Variants in TSHR observed in about 807,000 individuals in gnomAD.
TSHR encodes the protein thyroid stimulating hormone receptor.
TSHR carries 51 observed loss-of-function variants against 64.1 expected under a neutral mutation model. The observed-to-expected ratio is 0.80, with a 90% CI of 0.64 to 1.01. The LOEUF (loss-of-function observed/expected upper bound fraction) is 1.01, where lower values mean the gene tolerates loss of function less well. Among genes scored for constraint, TSHR ranks in the 50% least tolerant of loss-of-function variants. The pLI is 0.00. For missense variants in TSHR, 877 were observed against 942.8 expected (o/e 0.93, Z 0.91); for synonymous variants, 361 against 361.9 (o/e 1.00, Z 0.03).
chr14:80,987,028 C>A (rs540496110), intron 1 of TSHR, among the ~76,000 whole-genome samples: 1 of 152,182 alleles, frequency 6.6e-6, no homozygotes, highest in Non-Finnish European at 1.5e-5. Context: ...TTTTTCCCAA[C>A]ATTCATGCAC....
At chr14:81,108,011 T>C (rs1890009998) in intron 7 of TSHR, among the ~76,000 whole-genome samples, 1 of 152,136 alleles carries the variant, frequency 6.6e-6, no homozygotes, top group Non-Finnish European at 1.5e-5. Flanking sequence ...GGAATATAAA[T>C]TAATACTAAC....
At chr14:80,960,409 A>G (rs1886957660) in intron 1 of TSHR, among the ~76,000 whole-genome samples, 1 of 152,226 alleles carries the variant, frequency 6.6e-6, no homozygotes, top group South Asian at 2.1e-4. Context: ...ACACATATAA[A>G]GGTGACTTCA....
chr14:81,074,078 C>T (rs7145290), intron 3 of TSHR, among the ~76,000 whole-genome samples: 44,067 of 151,970 alleles, frequency 0.29, 10,769 homozygotes, highest in African/African-American at 0.68. Flanking sequence ...TTTAAGTAAA[C>T]ATTCAATTCT....
At chr14:80,982,490 A>T in intron 1 of TSHR, 1 of 1,048,868 alleles carries the variant, frequency 9.5e-7, no homozygotes, top group Non-Finnish European at 1.3e-6. Flanking sequence ...GCTGAGGAAG[A>T]GGAGGAAGAG....
chr14:81,028,699 T>C (rs1039731078), intron 1 of TSHR, among the ~76,000 whole-genome samples: 1 of 152,128 alleles, frequency 6.6e-6, no homozygotes, highest in Non-Finnish European at 1.5e-5. Context: ...TCAACACTTT[T>C]TGTATACAAC....
At chr14:81,088,153 GT>G in intron 4 of TSHR, 125 bp downstream of exon 4, 1 of 779,674 alleles carries the variant, frequency 1.3e-6, no homozygotes, top group South Asian at 1.5e-5. Flanking sequence ...TATAGCCTGG[GT>G]CGGGGGCAAG....
chr14:81,004,887 TTTCC>T (rs1470747652), intron 1 of TSHR, among the ~76,000 whole-genome samples: 1 of 152,162 alleles, frequency 6.6e-6, no homozygotes, highest in African/African-American at 2.4e-5. Context: ...ATTAAGAAAG[TTTCC>T]ATCCTTGGAT....
chr14:80,973,627 G>A (rs1362697043), intron 1 of TSHR, among the ~76,000 whole-genome samples: 1 of 152,052 alleles, frequency 6.6e-6, no homozygotes, highest in African/African-American at 2.4e-5. Flanking sequence ...AATGCATGAA[G>A]CCATTATTCA....
At chr14:81,047,370 A>G (rs903233991) in intron 1 of TSHR, among the ~76,000 whole-genome samples, 3 of 152,226 alleles carry the variant, frequency 2.0e-5, no homozygotes, top group Non-Finnish European at 4.4e-5. Context: ...ATGGTATTCC[A>G]TATGTCTGAG....
At chr14:80,985,499 A>C (rs938991860) in intron 1 of TSHR, among the ~76,000 whole-genome samples, 8 of 152,198 alleles carry the variant, frequency 5.3e-5, no homozygotes, top group Non-Finnish European at 1.0e-4. Context: ...AAGCTACAAG[A>C]GGCTGCTGTG....
Position 81,144,599 on chromosome 14 carries a change from A to C in TSHR, c.*246A>C. The C allele has an allele frequency of 1.8e-6, 1 of 550,686 alleles. No homozygotes were observed. Among genetic ancestry groups the C allele is most frequent in the South Asian group, 2.1e-5 (1 of 47,364 alleles). The allele number at this position is 550,686 out of a possible 1,614,324, so 34.1% of individuals were successfully genotyped here. A position where few individuals can be genotyped will look rare whatever the true frequency, so the allele number is the denominator to read the frequency against. On this transcript the variant is annotated 3_prime_UTR_variant, in exon 10 of 10. Transcript: ENST00000298171. ...GCCAGGTGAAATCAAAATAATCTAC[A>C]CTATCTAGAAGACTTTCTTGATGCC...
chr14:81,108,979 C>A (rs145265384), intron 8 of TSHR: 58 of 1,289,074 alleles, frequency 4.5e-5, no homozygotes, highest in Non-Finnish European at 5.5e-5. Context: ...TTGATTTACA[C>A]CCCCACATCC....
chr14:81,006,586 C>A (rs942308880), intron 1 of TSHR, among the ~76,000 whole-genome samples: 1 of 151,936 alleles, frequency 6.6e-6, no homozygotes, highest in African/African-American at 2.4e-5. Context: ...AATCTTGGCT[C>A]ACTGCAACCT....
At chr14:80,979,467 A>G (rs1157906790) in intron 1 of TSHR, among the ~76,000 whole-genome samples, 1 of 152,196 alleles carries the variant, frequency 6.6e-6, no homozygotes, top group Non-Finnish European at 1.5e-5. Context: ...CAGTAGGGTG[A>G]CTATGTTAAC....
chr14:81,084,681 C>A (rs560075951), intron 3 of TSHR, among the ~76,000 whole-genome samples: 1 of 152,308 alleles, frequency 6.6e-6, no homozygotes. Flanking sequence ...CATCTCCATT[C>A]CTAGTGTGCT....
At chr14:81,037,373 C>A (rs1687898567) in intron 1 of TSHR, among the ~76,000 whole-genome samples, 1 of 144,144 alleles carries the variant, frequency 6.9e-6, no homozygotes, top group African/African-American at 2.6e-5. Flanking sequence ...AATCACCAAA[C>A]CACACAGGTA....
At chr14:81,009,639 G>T (rs1208808099) in intron 1 of TSHR, among the ~76,000 whole-genome samples, 1 of 151,744 alleles carries the variant, frequency 6.6e-6, no homozygotes, top group African/African-American at 2.4e-5. Context: ...CATATTTTCT[G>T]TATCATTCTA....
chr14:80,971,551 C>A (rs1009554224), intron 1 of TSHR, among the ~76,000 whole-genome samples: 1 of 152,152 alleles, frequency 6.6e-6, no homozygotes, highest in Non-Finnish European at 1.5e-5. Flanking sequence ...ATAGAACCTA[C>A]CTATTGGTTA....
At chr14:81,012,386 T>G (rs1318033487) in intron 1 of TSHR, 13 of 151,820 alleles carry the variant, frequency 8.6e-5, no homozygotes, top group Non-Finnish European at 1.3e-4. Context: ...TTGTGAATAA[T>G]GCCGCAATAA....
Sources: allele counts gnomAD v4.1 joint callset (sites outside exome capture counted in the v4.1 genomes callset), GRCh38; gene constraint gnomAD v4.1.1; transcripts MANE v1.5; gene names NCBI Gene and HGNC (gene_info 2026-07-23, HGNC 2026-07-21).